MDGA2: variants seen among roughly 807,000 people sequenced by gnomAD.
MDGA2 encodes MAM domain containing glycosylphosphatidylinositol anchor 2.
Under a neutral mutation model 117.8 loss-of-function variants are expected in MDGA2, and 40 were observed. The observed-to-expected ratio is 0.34, with a 90% CI of 0.26 to 0.44. The LOEUF is 0.44. Ranked by LOEUF, MDGA2 falls within the 20% of genes least tolerant of loss-of-function variation. MDGA2 has a pLI of 1.00. For missense variants in MDGA2, 1,123 were observed against 1,250.6 expected (o/e 0.90, Z 1.54); for synonymous variants, 452 against 439.0 (o/e 1.03, Z -0.37).
intron 1 of MDGA2, among the ~76,000 whole-genome samples, chr14:47,436,331 T>C (rs901465386): frequency 2.6e-5 from 4 of 152,162 alleles, no homozygotes; most frequent in Non-Finnish European, 5.9e-5. Flanking sequence ...CAAGTTATGT[T>C]ATACAGAATC....
At chr14:47,212,715 T>C (rs952705728) in intron 3 of MDGA2, among the ~76,000 whole-genome samples, 4 of 152,210 alleles carry the variant, frequency 2.6e-5, no homozygotes, top group Non-Finnish European at 5.9e-5. Context: ...TTAAATCAAG[T>C]GTTGCTATTA....
chr14:47,403,409 A>G (rs1892195547), intron 1 of MDGA2, among the ~76,000 whole-genome samples: 1 of 152,050 alleles, frequency 6.6e-6, no homozygotes, highest in Non-Finnish European at 1.5e-5. Flanking sequence ...TGCTGTCTAG[A>G]TGAATGTTGG....
chr14:47,582,442 T>C (rs138679430), intron 1 of MDGA2, among the ~76,000 whole-genome samples: 77 of 152,042 alleles, frequency 5.1e-4, no homozygotes, highest in African/African-American at 1.8e-3. Flanking sequence ...GTCCTTTTGA[T>C]GGAAATGTCT....
At chr14:46,927,496 T>G (rs1354590000) in intron 9 of MDGA2, among the ~76,000 whole-genome samples, 1 of 152,152 alleles carries the variant, frequency 6.6e-6, no homozygotes, top group Non-Finnish European at 1.5e-5. Flanking sequence ...GCAATAAAAC[T>G]CAATGTCATT....
intron 1 of MDGA2, among the ~76,000 whole-genome samples, chr14:47,505,794 A>C (rs892897000): frequency 6.6e-6 from 1 of 152,110 alleles, no homozygotes; most frequent in African/African-American, 2.4e-5. Context: ...CTATGGTAAG[A>C]CCTTCATGTG....
chr14:47,359,338 G>T (rs1056440124), intron 1 of MDGA2, among the ~76,000 whole-genome samples: 4 of 151,606 alleles, frequency 2.6e-5, no homozygotes, highest in Non-Finnish European at 5.9e-5. Context: ...TGGTGACATA[G>T]CGAGACTCTG....
intron 1 of MDGA2, among the ~76,000 whole-genome samples, chr14:47,544,119 T>A (rs189693093): frequency 2.0e-5 from 3 of 152,266 alleles, no homozygotes; most frequent in Admixed American, 1.3e-4. Flanking sequence ...ATTTGAAATA[T>A]AAAGACTATA....
chr14:46,963,674 C>T (rs1885900246), intron 8 of MDGA2, among the ~76,000 whole-genome samples: 1 of 152,320 alleles, frequency 6.6e-6, no homozygotes, highest in East Asian at 1.9e-4. Flanking sequence ...TCTTTGATGA[C>T]AAGTTAGTAA....
chr14:47,239,444 C>T (rs1195393433), intron 2 of MDGA2, among the ~76,000 whole-genome samples: 1 of 151,646 alleles, frequency 6.6e-6, no homozygotes, highest in Non-Finnish European at 1.5e-5. Flanking sequence ...TCAGCCTTCT[C>T]AAAAAGATGT....
At chr14:47,128,225 AGAT>A (rs10569771) in intron 5 of MDGA2, among the ~76,000 whole-genome samples, 27,920 of 152,092 alleles carry the variant, frequency 0.18, 2,750 homozygotes, top group East Asian at 0.29. Context: ...ATTATGTGTC[AGAT>A]GATAGAAAAA....
intron 1 of MDGA2, among the ~76,000 whole-genome samples, chr14:47,653,958 A>G (rs1350669097): frequency 1.3e-5 from 2 of 152,198 alleles, no homozygotes; most frequent in Non-Finnish European, 2.9e-5. Context: ...ATTTTAGCTC[A>G]GTGAGACCCA....
chr14:47,010,033 T>C (rs1887843436), intron 8 of MDGA2, among the ~76,000 whole-genome samples: 1 of 152,124 alleles, frequency 6.6e-6, no homozygotes, highest in African/African-American at 2.4e-5. Context: ...TACGGAAGAG[T>C]TCTGATTACT....
intron 1 of MDGA2, among the ~76,000 whole-genome samples, chr14:47,601,578 G>A (rs1452374273): frequency 6.6e-6 from 1 of 152,072 alleles, no homozygotes; most frequent in Non-Finnish European, 1.5e-5. Context: ...TTATTCAACA[G>A]TGAAATGAAA....
intron 1 of MDGA2, among the ~76,000 whole-genome samples, chr14:47,630,304 G>A (rs1897232352): frequency 6.6e-6 from 1 of 151,980 alleles, no homozygotes; most frequent in African/African-American, 2.4e-5. Context: ...GTTTCAATAG[G>A]TTATTTTTAT....
intron 9 of MDGA2, among the ~76,000 whole-genome samples, chr14:46,922,873 T>G (rs897640599): frequency 6.6e-6 from 1 of 152,314 alleles, no homozygotes; most frequent in South Asian, 2.1e-4. Flanking sequence ...CATCAGATAA[T>G]GCGGATGGAG....
At chr14:47,357,474 G>A (rs1047601914) in intron 1 of MDGA2, among the ~76,000 whole-genome samples, 2 of 152,180 alleles carry the variant, frequency 1.3e-5, no homozygotes, top group Non-Finnish European at 2.9e-5. Context: ...GAACAGGGAG[G>A]GGTATATGCA....
At chr14:47,354,397 C>A (rs540056011) in intron 1 of MDGA2, among the ~76,000 whole-genome samples, 106 of 152,160 alleles carry the variant, frequency 7.0e-4, no homozygotes, top group Non-Finnish European at 1.2e-3. Context: ...CCCAGAACAA[C>A]AAAAAACAGT....
intron 2 of MDGA2, among the ~76,000 whole-genome samples, chr14:47,218,683 A>T (rs1273849455): frequency 2.6e-5 from 4 of 152,146 alleles, no homozygotes; most frequent in Middle Eastern, 3.4e-3. Flanking sequence ...ATAATGGCTT[A>T]TTGAGATTAT....
intron 1 of MDGA2, among the ~76,000 whole-genome samples, chr14:47,613,413 G>A (rs1259729141): frequency 6.6e-6 from 1 of 151,930 alleles, no homozygotes. Context: ...ATATTTTGGG[G>A]AGGAAGTTCT....
Sources: allele counts gnomAD v4.1 joint callset (sites outside exome capture counted in the v4.1 genomes callset), GRCh38; gene constraint gnomAD v4.1.1; transcripts MANE v1.5; gene names NCBI Gene and HGNC (gene_info 2026-07-23, HGNC 2026-07-21).